Variants in MTMR1 observed in about 807,000 individuals in gnomAD.
MTMR1 encodes myotubularin related protein 1, also known as phosphatidylinositol-3-phosphate phosphatase MTMR1.
Under a neutral mutation model 51.6 loss-of-function variants are expected in MTMR1, and 17 were observed. The observed-to-expected ratio is 0.33, with a 90% CI of 0.23 to 0.49. The LOEUF is 0.49. MTMR1 is among the 20% of genes least tolerant of loss of function. The probability of loss-of-function intolerance (pLI) is 0.99; values close to 1 mark genes in which losing one functional copy is unlikely to be tolerated. For missense variants in MTMR1, 386 were observed against 526.9 expected (o/e 0.73, Z 2.62); for synonymous variants, 201 against 205.6 (o/e 0.98, Z 0.19).
intron 3 of MTMR1, among the ~76,000 whole-genome samples, chrX:150,716,981 T>G (rs928266808): frequency 1.3e-4 from 15 of 111,654 alleles, no homozygotes; most frequent in Non-Finnish European, 2.8e-4. Flanking sequence ...GCAGTCCCGA[T>G]CAAATAGGTA....
chrX:150,751,267 A>G (rs1044179159), intron 14 of MTMR1: 2 of 728,082 alleles, frequency 2.7e-6, no homozygotes, highest in Non-Finnish European at 3.3e-6. Flanking sequence ...TTTTTACATC[A>G]AAGTAGTAAA....
chrX:150,753,576 G>A (rs782020272), intron 14 of MTMR1, among the ~76,000 whole-genome samples: 1 of 112,691 alleles, frequency 8.9e-6, no homozygotes, highest in Non-Finnish European at 1.9e-5. Context: ...ATGATGTTGA[G>A]CATATTTCCA....
chrX:150,733,161 C>T (rs1468615619), intron 10 of MTMR1, among the ~76,000 whole-genome samples: 1 of 111,810 alleles, frequency 8.9e-6, no homozygotes, highest in African/African-American at 3.3e-5. Flanking sequence ...TCATGGAGCA[C>T]CTGTGTAGTG....
At chrX:150,758,967 A>G (rs116690695) in intron 15 of MTMR1, among the ~76,000 whole-genome samples, 1 of 112,389 alleles carries the variant, frequency 8.9e-6, no homozygotes, top group African/African-American at 3.2e-5. Flanking sequence ...TGTCTTTGAA[A>G]TGGTCCATGT....
intron 15 of MTMR1, among the ~76,000 whole-genome samples, chrX:150,758,648 A>G (rs1358554614): frequency 9.0e-6 from 1 of 110,788 alleles, no homozygotes; most frequent in African/African-American, 3.3e-5. Context: ...AAAATTAGCC[A>G]GGTGTGGTGG....
rs2042707211 is a variant in MTMR1, at chrX:150,750,843, G to C, written c.1680G>C (p.Glu560Asp). ...LCNCEQQRFK[E>D]DVYTKTISLW... ...ACTGTGAACAGCAGCGATTCAAAGA[G>C]GTGAGTATGCTGCATCCTTGTCTGT... is the stretch of plus-strand genomic sequence containing the variant. Residue 560 changes from glutamate to aspartate, a missense_variant and splice_region_variant, in exon 14 of 16, where the codon GAG becomes GAC. By Grantham distance (45) the Glu-to-Asp change is conservative. Coordinates refer to ENST00000445323, the MANE Select transcript of MTMR1 (RefSeq NM_001306144.3). The C allele has an allele frequency of 8.5e-7, 1 of 1,180,002 alleles. No individual in the cohort carries two copies. Among genetic ancestry groups the C allele is most frequent in the Non-Finnish European group, 1.2e-6 (1 of 868,049 alleles).
chrX:150,697,850 A>C (rs928200811), intron 1 of MTMR1, among the ~76,000 whole-genome samples: 1 of 111,847 alleles, frequency 8.9e-6, no homozygotes, highest in Admixed American at 9.5e-5. Flanking sequence ...TGCTGGCTTC[A>C]GTGCAGTGAG....
At chrX:150,739,975 G>T (rs782252751) in intron 12 of MTMR1, among the ~76,000 whole-genome samples, 1 of 111,799 alleles carries the variant, frequency 8.9e-6, no homozygotes, top group Admixed American at 9.5e-5. Context: ...AGGGCTTCCA[G>T]CTGAGGCTGA....
At chrX:150,751,145 G>A (rs1284293642) in intron 14 of MTMR1, 26 of 946,486 alleles carry the variant, frequency 2.7e-5, no homozygotes, top group South Asian at 8.9e-5. Context: ...CTCCAAAACC[G>A]TGGGATTCTG....
In MTMR1 at chrX:150,699,183, T is replaced by C. The variant is rs782596027; in HGVS notation, c.147-12T>C. ...TGATATAACGTTTTGTAATCCATGC[T>C]ATTTTTTTTAGTCCCACAGGATCAC... On this transcript the variant is annotated splice_polypyrimidine_tract_variant and intron_variant, in intron 1 of 15. Coordinates refer to ENST00000445323, the MANE Select transcript of MTMR1 (RefSeq NM_001306144.3). 9.4e-5 allele frequency: 105 copies of C among 1,116,378 alleles called. No homozygotes were observed. Among genetic ancestry groups the C allele is most frequent in the Non-Finnish European group, 1.2e-4 (103 of 824,903 alleles). The allele number at this position is 1,116,378 out of a possible 1,213,427, so 92.0% of individuals were successfully genotyped here. A position where few individuals can be genotyped will look rare whatever the true frequency, so the allele number is the denominator to read the frequency against.
intron 2 of MTMR1, among the ~76,000 whole-genome samples, chrX:150,712,091 A>G (rs2041333971): frequency 8.9e-6 from 1 of 111,906 alleles, no homozygotes; most frequent in African/African-American, 3.3e-5. Context: ...AAGGTAATGT[A>G]GTTAGTCTTA....
intron 2 of MTMR1, among the ~76,000 whole-genome samples, chrX:150,707,459 A>T (rs1009677625): frequency 2.7e-5 from 3 of 112,764 alleles, no homozygotes; most frequent in African/African-American, 9.7e-5. Context: ...AGATATACAC[A>T]TGGCAGGTAA....
At chrX:150,725,879 T>C (rs1557416742) in intron 4 of MTMR1, among the ~76,000 whole-genome samples, 2 of 112,076 alleles carry the variant, frequency 1.8e-5, no homozygotes. Context: ...TACTAACCTC[T>C]AACAACTTAT....
chrX:150,761,537 C>T (rs1388664261), intron 15 of MTMR1, among the ~76,000 whole-genome samples: 3 of 112,909 alleles, frequency 2.7e-5, no homozygotes, highest in African/African-American at 9.6e-5. Flanking sequence ...GGCCTCGAGG[C>T]CCCTCTCAGG....
chrX:150,714,122 G>A (rs1215358256), intron 3 of MTMR1, among the ~76,000 whole-genome samples: 2 of 112,240 alleles, frequency 1.8e-5, no homozygotes, highest in Admixed American at 1.9e-4. Context: ...TTTTCTGTGA[G>A]CACATTATGT....
chrX:150,752,041 C>T (rs902106404), intron 14 of MTMR1, among the ~76,000 whole-genome samples: 6 of 107,211 alleles, frequency 5.6e-5, no homozygotes, highest in South Asian at 4.2e-4. Flanking sequence ...CGCAGCCTCC[C>T]GAGTAGCTGG....
At chrX:150,698,251 G>A (rs977783999) in intron 1 of MTMR1, among the ~76,000 whole-genome samples, 2 of 109,315 alleles carry the variant, frequency 1.8e-5, no homozygotes, top group East Asian at 2.9e-4. Context: ...CCGAGATCGC[G>A]CCACTGCACT....
At chrX:150,724,440 T>A (rs781995040) in intron 4 of MTMR1, among the ~76,000 whole-genome samples, 1 of 111,615 alleles carries the variant, frequency 9.0e-6, no homozygotes, top group Non-Finnish European at 1.9e-5. Flanking sequence ...TGGGGTTGTT[T>A]GTGTTTTTTC....
intron 14 of MTMR1, among the ~76,000 whole-genome samples, chrX:150,754,901 T>G (rs1178851903): frequency 9.1e-6 from 1 of 109,696 alleles, no homozygotes; most frequent in Non-Finnish European, 1.9e-5. Flanking sequence ...GGCGTGCGCC[T>G]GTAGTCCCCA....
Sources: allele counts gnomAD v4.1 joint callset (sites outside exome capture counted in the v4.1 genomes callset), GRCh38; gene constraint gnomAD v4.1.1; transcripts MANE v1.5; gene names NCBI Gene and HGNC (gene_info 2026-07-23, HGNC 2026-07-21).